The following PHLDB2 variants were observed in gnomAD, a reference collection of about 807,000 sequenced individuals.
The protein encoded by PHLDB2 is pleckstrin homology like domain family B member 2.
PHLDB2 carries 71 observed loss-of-function variants against 123.6 expected under a neutral mutation model. That is an observed-to-expected ratio of 0.57 (90% CI 0.47 to 0.70). The LOEUF is 0.70. Ranked by LOEUF, PHLDB2 falls within the 30% of genes least tolerant of loss-of-function variation. The pLI is 0.00. For missense variants in PHLDB2, 1,446 were observed against 1,519.5 expected (o/e 0.95, Z 0.80); for synonymous variants, 547 against 541.6 (o/e 1.01, Z -0.14).
intron 1 of PHLDB2, among the ~76,000 whole-genome samples, chr3:111,774,346 T>C (rs992765245): frequency 6.6e-6 from 1 of 152,136 alleles, no homozygotes; most frequent in African/African-American, 2.4e-5. Flanking sequence ...GTTTAGTGGC[T>C]CAGGAAATTA....
intron 6 of PHLDB2, among the ~76,000 whole-genome samples, chr3:111,934,326 CA>C (rs1196161739): frequency 6.6e-6 from 1 of 152,112 alleles, no homozygotes. Context: ...TCCTAAAGTT[CA>C]CTTTAGGACC....
chr3:111,752,662 TTATAC>T (rs1322446345), intron 1 of PHLDB2, among the ~76,000 whole-genome samples: 1 of 151,696 alleles, frequency 6.6e-6, no homozygotes, highest in Non-Finnish European at 1.5e-5. Flanking sequence ...TTTATTATTA[TTATAC>T]TATAAGTTTT....
At chr3:111,855,086 T>C (rs889809484), upstream of PHLDB2, among the ~76,000 whole-genome samples, 1 of 151,656 alleles carries the variant, frequency 6.6e-6, no homozygotes, top group African/African-American at 2.4e-5. Flanking sequence ...TAATCTTCCA[T>C]GGAATTAGGG....
chr3:111,974,278 G>A (rs2072421819), intron 17 of PHLDB2, 145 bp from the exon 18 acceptor site: 1 of 675,472 alleles, frequency 1.5e-6, no homozygotes, highest in East Asian at 3.1e-5. Context: ...TCTGGGACAG[G>A]TGTGTGAGTT....
intron 2 of PHLDB2, among the ~76,000 whole-genome samples, chr3:111,886,406 A>G (rs2066165358): frequency 6.6e-6 from 1 of 151,736 alleles, no homozygotes; most frequent in Non-Finnish European, 1.5e-5. Context: ...GCCACCCAAT[A>G]CAAACTCAAA....
intron 5 of PHLDB2, among the ~76,000 whole-genome samples, chr3:111,928,708 T>C (rs1252939879): frequency 6.6e-6 from 1 of 152,212 alleles, no homozygotes; most frequent in Non-Finnish European, 1.5e-5. Flanking sequence ...TCTTTGTCTA[T>C]ATATGAATGT....
intron 5 of PHLDB2, among the ~76,000 whole-genome samples, chr3:111,930,113 C>T (rs771523943): frequency 4.0e-5 from 6 of 151,346 alleles, no homozygotes; most frequent in Non-Finnish European, 5.9e-5. Context: ...GGGGTTTCAC[C>T]GTGTTAGCCA....
intron 5 of PHLDB2, among the ~76,000 whole-genome samples, chr3:111,926,304 C>G (rs1387159539): frequency 6.6e-6 from 1 of 152,190 alleles, no homozygotes; most frequent in Non-Finnish European, 1.5e-5. Context: ...TACTTCCTCC[C>G]CATCCTTCCT....
chr3:111,761,162 C>T (rs1315415302), intron 1 of PHLDB2, among the ~76,000 whole-genome samples: 4 of 139,084 alleles, frequency 2.9e-5, no homozygotes, highest in East Asian at 2.1e-4. Flanking sequence ...CCCAGCCTAG[C>T]GACAGAGTGA....
chr3:111,906,037 C>T (rs1369101603), intron 2 of PHLDB2, among the ~76,000 whole-genome samples: 2 of 152,128 alleles, frequency 1.3e-5, no homozygotes, highest in Non-Finnish European at 2.9e-5. Flanking sequence ...TTTTAGTGTA[C>T]TTTCTATGTT....
intron 1 of PHLDB2, among the ~76,000 whole-genome samples, chr3:111,879,785 C>T (rs756707309): frequency 6.6e-6 from 1 of 152,106 alleles, no homozygotes; most frequent in African/African-American, 2.4e-5. Context: ...AAAGCAGTCT[C>T]GAATAATCAG....
chr3:111,902,979 C>G (rs1315779209), intron 2 of PHLDB2, among the ~76,000 whole-genome samples: 1 of 152,102 alleles, frequency 6.6e-6, no homozygotes, highest in African/African-American at 2.4e-5. Flanking sequence ...AATTGGAAAG[C>G]TACCAAACCA....
At chr3:111,869,713 G>GTT (rs138855723) in intron 1 of PHLDB2, among the ~76,000 whole-genome samples, 135,635 of 151,286 alleles carry the variant, frequency 0.9, 62,115 homozygotes, top group Non-Finnish European at 0.99. Context: ...CTCTGTGTGT[G>GTT]TGTGTGTGTG....
At position 111,765,185 on chromosome 3, in the gene PHLDB2, T is replaced by C. The variant is rs190611565; in HGVS notation, c.-49+32482T>C. 1.2e-3 allele frequency among the ~76,000 whole-genome samples: 186 copies of C among 152,282 alleles called. 2 individuals carry two copies. Among genetic ancestry groups the C allele is most frequent in the Non-Finnish European group, 1.9e-4 (13 of 68,028 alleles). Reference sequence around the variant, plus strand: ...ACCCTTGGCTCACTCCACCAGCACATGTGTTTGAAGCCCCTTAGTCTTCAC... The same window carrying C: ...ACCCTTGGCTCACTCCACCAGCACACGTGTTTGAAGCCCCTTAGTCTTCAC... On this transcript the variant is annotated intron_variant, in intron 1 of 17. Coordinates refer to the PHLDB2 transcript ENST00000393923.
intron 5 of PHLDB2, among the ~76,000 whole-genome samples, chr3:111,924,421 T>C (rs1017253097): frequency 1.3e-5 from 2 of 152,246 alleles, no homozygotes; most frequent in African/African-American, 4.8e-5. Flanking sequence ...ATATTGTTGT[T>C]GGATTTTCCT....
chr3:111,904,905 G>A (rs1453284149), intron 2 of PHLDB2, among the ~76,000 whole-genome samples: 2 of 152,168 alleles, frequency 1.3e-5, no homozygotes, highest in Non-Finnish European at 1.5e-5. Flanking sequence ...TGTCATAGAT[G>A]AACAGTCATG....
Position 111,778,811 on chromosome 3 carries a change from G to A in PHLDB2, c.-49+46108G>A, listed in dbSNP as rs1167056223. 3.3e-5 allele frequency among the ~76,000 whole-genome samples: 5 copies of A among 152,148 alleles called. No homozygotes were observed. In the East Asian group the frequency reaches 7.7e-4, roughly 24 times the overall value. ...CTAAAAAAAACATGGCAAGTGTTGT[G>A]TGGATATACATCAACAGAAACTGAA... On this transcript the variant is annotated intron_variant, in intron 1 of 17. Transcript: ENST00000393923.
intron 1 of PHLDB2, among the ~76,000 whole-genome samples, chr3:111,863,370 A>C (rs966664737): frequency 6.6e-6 from 1 of 152,216 alleles, no homozygotes; most frequent in Non-Finnish European, 1.5e-5. Flanking sequence ...AGAAGGGAGA[A>C]TTACAGAGGC....
At chr3:111,913,173 G>T (rs1323711831) in intron 2 of PHLDB2, 146 bp from the exon 3 acceptor site, 6 of 967,380 alleles carry the variant, frequency 6.2e-6, no homozygotes, top group Non-Finnish European at 9.2e-6. Flanking sequence ...ATCCGTCAAA[G>T]ATTATGAAAA....
Sources: allele counts gnomAD v4.1 joint callset (sites outside exome capture counted in the v4.1 genomes callset), GRCh38; gene constraint gnomAD v4.1.1; transcripts MANE v1.5; gene names NCBI Gene and HGNC (gene_info 2026-07-23, HGNC 2026-07-21).